The following NOX3 variants were observed in gnomAD, a reference collection of about 807,000 sequenced individuals.
NOX3 encodes NADPH oxidase catalytic subunit-like 3.
In NOX3, 74 loss-of-function variants were observed where a neutral mutation model predicts 76.7. The observed-to-expected ratio is 0.96, with a 90% CI of 0.80 to 1.17. The LOEUF (loss-of-function observed/expected upper bound fraction) is 1.17, where lower values mean the gene tolerates loss of function less well. Ranked by LOEUF, NOX3 falls within the 50% of genes most tolerant of loss-of-function variation. The pLI is 0.00. For missense variants in NOX3, 695 were observed against 703.3 expected (o/e 0.99, Z 0.13); for synonymous variants, 263 against 261.1 (o/e 1.01, Z -0.07).
intron 12 of NOX3, among the ~76,000 whole-genome samples, chr6:155,405,368 T>A (rs1376331121): frequency 6.6e-6 from 1 of 152,204 alleles, no homozygotes; most frequent in East Asian, 1.9e-4. Flanking sequence ...GACCTGTCAA[T>A]ACAGTGTCTG....
chr6:155,439,914 T>A, intron 6 of NOX3, 42 bp downstream of exon 6: 1 of 1,559,980 alleles, frequency 6.4e-7, no homozygotes, highest in South Asian at 1.2e-5. Flanking sequence ...TTTGGGACTC[T>A]CAGAGATAAA....
chr6:155,411,354 A>T lies in NOX3; in HGVS notation c.1315T>A (p.Phe439Ile). The change falls in exon 11 of 14, where the codon TTC becomes ATC. Residue 439 changes from phenylalanine (F) to isoleucine (I), a missense_variant. Coordinates refer to ENST00000159060, the MANE Select transcript of NOX3 (RefSeq NM_015718.3). ...CTTGCATCCCGGCAAATCCAGTAGA[A>T]ATACACCTGTCAAGAGAGAAGGCAA... ...QTPLKLSKVY[F>I]YWICRDARAF... 1.2e-6 allele frequency: 2 copies of T among 1,613,128 alleles called. No homozygotes were observed. The highest frequency in any genetic ancestry group is 1.7e-6 in the Non-Finnish European group (2 of 1,179,542).
intron 4 of NOX3, among the ~76,000 whole-genome samples, chr6:155,447,466 G>T (rs939263420): frequency 1.3e-5 from 2 of 152,210 alleles, no homozygotes; most frequent in Admixed American, 6.5e-5. Flanking sequence ...AATGAACAAA[G>T]ATATTAAACT....
intron 11 of NOX3, 110 bp from the exon 12 acceptor site, chr6:155,407,364 C>T (rs983977842): frequency 1.9e-6 from 2 of 1,045,660 alleles, no homozygotes; most frequent in Non-Finnish European, 2.7e-6. Context: ...AAAATGTGTA[C>T]AGGGCTGGCA....
At position 155,452,498 on chromosome 6, in the gene NOX3, T is replaced by C. The variant is rs55931546; in HGVS notation, c.340+906A>G. Among the ~76,000 whole-genome samples, 1,491 of 152,314 alleles carry C rather than the reference T, an allele frequency of 9.8e-3. 20 individuals are homozygous for C. Among genetic ancestry groups the C allele is most frequent in the African/African-American group, 0.032 (1,347 of 41,560 alleles). Reference sequence around the variant, plus strand: ...GTTCTCAGGTTGGTTTAATCCAGCGTTGAAGACAGTCACTGGGAGCATCTT... The same window carrying C: ...GTTCTCAGGTTGGTTTAATCCAGCGCTGAAGACAGTCACTGGGAGCATCTT... On this transcript the variant is annotated intron_variant, in intron 4 of 13. Transcript: ENST00000159060.
intron 10 of NOX3, among the ~76,000 whole-genome samples, chr6:155,420,647 A>G (rs1562462922): frequency 6.6e-6 from 1 of 152,218 alleles, no homozygotes; most frequent in Non-Finnish European, 1.5e-5. Flanking sequence ...ATGAGCATTT[A>G]GTAAAATGAC....
chr6:155,426,642 T>C (rs1346751839), intron 9 of NOX3, among the ~76,000 whole-genome samples: 1 of 151,932 alleles, frequency 6.6e-6, no homozygotes, highest in Non-Finnish European at 1.5e-5. Flanking sequence ...AGGACTACAT[T>C]CTCAGTGTGT....
chr6:155,396,729 T>C lies in NOX3; in HGVS notation c.*27+80A>G, dbSNP rs577903091. On this transcript the variant is annotated intron_variant, in intron 13 of 13. Transcript: ENST00000159060. ...GTTGAGAGTCGGACCATACAGTGCA[T>C]AGAGCCTAAAATGATTACTGTTTGG... 1.4e-5 allele frequency: 17 copies of C among 1,205,632 alleles called. No individual in the cohort carries two copies. The Admixed American group carries it at 3.7e-4, about 26-fold the overall frequency. 74.7% of individuals were successfully genotyped at this position (1,205,632 alleles called of 1,614,324 possible).
chr6:155,432,395 A>G (rs1216164995), intron 7 of NOX3, among the ~76,000 whole-genome samples: 1 of 118,046 alleles, frequency 8.5e-6, no homozygotes, highest in African/African-American at 3.2e-5. Flanking sequence ...TACTCCTTGA[A>G]TAGTATCTGG....
intron 6 of NOX3, among the ~76,000 whole-genome samples, chr6:155,438,787 C>T (rs1246384730): frequency 2.0e-5 from 3 of 152,206 alleles, no homozygotes; most frequent in Admixed American, 6.5e-5. Context: ...AGGCCACCTC[C>T]GGGACAGGAC....
At position 155,430,943 on chromosome 6, in the gene NOX3, G is replaced by C. The variant is rs368966969; in HGVS notation, c.799-8C>G. The stretch of plus-strand genomic sequence containing the variant: ...TAAAATCCATTTCCAAGCCTGAAGA[G>C]AGTAGCAGAGAGAGAGAGAAAAAGG... On this transcript the variant is annotated splice_polypyrimidine_tract_variant and splice_region_variant and intron_variant, in intron 7 of 13. Transcript: ENST00000159060. 137 of 1,503,562 alleles carry C rather than the reference G, an allele frequency of 9.1e-5. No individual in the cohort carries two copies. Among genetic ancestry groups the C allele is most frequent in the Non-Finnish European group, 1.2e-4 (128 of 1,086,606 alleles). 93.1% of individuals were successfully genotyped at this position (1,503,562 alleles called of 1,614,324 possible).
intron 5 of NOX3, among the ~76,000 whole-genome samples, chr6:155,440,487 A>G (rs1776970055): frequency 6.6e-6 from 1 of 152,078 alleles, no homozygotes; most frequent in Admixed American, 6.6e-5. Flanking sequence ...ATAAATTAAA[A>G]AAAAAAAGCT....
chr6:155,426,825 G>A (rs772470928), intron 9 of NOX3, among the ~76,000 whole-genome samples: 28 of 152,122 alleles, frequency 1.8e-4, no homozygotes, highest in African/African-American at 6.8e-4. Flanking sequence ...TTGGGGGACT[G>A]GTTGAAATGC....
At chr6:155,405,111 G>A (rs1277491628) in intron 12 of NOX3, among the ~76,000 whole-genome samples, 1 of 152,168 alleles carries the variant, frequency 6.6e-6, no homozygotes, top group Non-Finnish European at 1.5e-5. Context: ...AGTACAAAGA[G>A]TTTAATGAAG....
chr6:155,418,053 G>A (rs1291134473), intron 10 of NOX3, among the ~76,000 whole-genome samples: 3 of 152,286 alleles, frequency 2.0e-5, no homozygotes, highest in East Asian at 1.9e-4. Context: ...AAAACGAACC[G>A]CATCTTGCAG....
chr6:155,425,216 G>A (rs1776741627), intron 9 of NOX3, among the ~76,000 whole-genome samples: 1 of 152,096 alleles, frequency 6.6e-6, no homozygotes, highest in Non-Finnish European at 1.5e-5. Flanking sequence ...GGCATCTCAG[G>A]CCTTTAAATA....
intron 4 of NOX3, among the ~76,000 whole-genome samples, chr6:155,450,541 G>T (rs1027254906): frequency 3.3e-5 from 5 of 152,174 alleles, no homozygotes; most frequent in African/African-American, 1.2e-4. Flanking sequence ...TAAGGCACAG[G>T]CTCAGCCCTG....
At chr6:155,443,502 A>C in intron 4 of NOX3, 84 bp from the exon 5 acceptor site, 1 of 1,474,092 alleles carries the variant, frequency 6.8e-7, no homozygotes, top group Non-Finnish European at 9.1e-7. Context: ...CTCTGTGCTC[A>C]AGTTTCTCTG....
chr6:155,403,624 A>C (rs1393459508), intron 12 of NOX3, among the ~76,000 whole-genome samples: 2 of 152,194 alleles, frequency 1.3e-5, no homozygotes, highest in Non-Finnish European at 2.9e-5. Flanking sequence ...ACGTTTCCGC[A>C]CTTCACTTTG....
Sources: allele counts gnomAD v4.1 joint callset (sites outside exome capture counted in the v4.1 genomes callset), GRCh38; gene constraint gnomAD v4.1.1; transcripts MANE v1.5; gene names NCBI Gene and HGNC (gene_info 2026-07-23, HGNC 2026-07-21).